RNF175: variants seen among roughly 807,000 people sequenced by gnomAD.
RNF175 encodes ring finger protein 175.
Under a neutral mutation model 50.0 loss-of-function variants are expected in RNF175, and 38 were observed. The ratio of observed to expected loss-of-function variants is 0.76; its 90% CI spans 0.59 to 1.00. The LOEUF (loss-of-function observed/expected upper bound fraction) is 1.00, where lower values mean the gene tolerates loss of function less well. Ranked by LOEUF, RNF175 falls within the 50% of genes least tolerant of loss-of-function variation. The pLI is 0.00. For synonymous variants in RNF175, 155 were observed against 146.1 expected, an observed-to-expected ratio of 1.06 and a Z score of -0.44; for missense variants, 388 against 409.6, an observed-to-expected ratio of 0.95 and a Z score of 0.46.
At chr4:153,724,124 G>T (rs571617367) in intron 4 of RNF175, among the ~76,000 whole-genome samples, 1 of 152,216 alleles carries the variant, frequency 6.6e-6, no homozygotes, top group Non-Finnish European at 1.5e-5. Flanking sequence ...TTCCCAAAGG[G>T]TCTAAGTGGA....
chr4:153,748,857 CAAAAA>C (rs1382478208), intron 2 of RNF175, 71 bp from the exon 3 acceptor site: 2 of 1,424,952 alleles, frequency 1.4e-6, no homozygotes, highest in Non-Finnish European at 9.4e-7. Flanking sequence ...AAACAAAAAA[CAAAAA>C]ACAAAAAAAC....
intron 4 of RNF175, among the ~76,000 whole-genome samples, chr4:153,725,893 G>A (rs897551326): frequency 2.6e-5 from 4 of 152,180 alleles, no homozygotes; most frequent in Admixed American, 6.5e-5. Flanking sequence ...TGCTTATTGC[G>A]GGTACCTATT....
chr4:153,742,559 C>T (rs1454396636), intron 3 of RNF175, among the ~76,000 whole-genome samples: 2 of 152,110 alleles, frequency 1.3e-5, no homozygotes, highest in African/African-American at 2.4e-5. Flanking sequence ...TATGGATCAG[C>T]CACTGTACTA....
chr4:153,723,501 C>T, intron 4 of RNF175, 43 bp from the exon 5 acceptor site: 2 of 835,646 alleles, frequency 2.4e-6, no homozygotes, highest in East Asian at 2.5e-5. Context: ...CACAGAAACA[C>T]AGAAAAATGG....
chr4:153,752,484 G>A (rs1274635825), intron 1 of RNF175, among the ~76,000 whole-genome samples: 2 of 152,188 alleles, frequency 1.3e-5, no homozygotes, highest in Non-Finnish European at 2.9e-5. Flanking sequence ...ACCCAGAAAG[G>A]TCCTGGCATT....
chr4:153,758,824 A>G (rs772155817), intron 1 of RNF175, among the ~76,000 whole-genome samples: 1 of 151,734 alleles, frequency 6.6e-6, no homozygotes, highest in Non-Finnish European at 1.5e-5. Context: ...CCCTCCATCT[A>G]GAATTCTCTG....
chr4:153,728,301 A>G lies in RNF175; in HGVS notation c.307T>C (p.Trp103Arg). The G allele has an allele frequency of 1.2e-6, 2 of 1,613,636 alleles. No individual in the cohort carries two copies. The highest frequency in any genetic ancestry group is 1.7e-6 in the Non-Finnish European group (2 of 1,179,518). ...PLYFTIKLYW[W>R]RFLSMWGMFS... ...ATCCCCCACATAGACAGAAACCGCC[A>G]CCAGTATAATTTTATCGTGAAATAT... The change falls in exon 4 of 9, where the codon TGG becomes CGG. Residue 103 changes from tryptophan to arginine, a missense_variant. Transcript: ENST00000347063.
chr4:153,758,829 T>A (rs4696492), intron 1 of RNF175, among the ~76,000 whole-genome samples: 113,716 of 151,796 alleles, frequency 0.75, 43,014 homozygotes, highest in South Asian at 0.79. Flanking sequence ...CATCTAGAAT[T>A]CTCTGGCCCA....
At chr4:153,727,065 C>A (rs1185779393) in intron 4 of RNF175, among the ~76,000 whole-genome samples, 1 of 152,150 alleles carries the variant, frequency 6.6e-6, no homozygotes, top group African/African-American at 2.4e-5. Context: ...GATAGGCGAA[C>A]CATTCTCATG....
intron 3 of RNF175, among the ~76,000 whole-genome samples, chr4:153,740,742 G>T (rs1267734930): frequency 6.6e-6 from 1 of 151,958 alleles, no homozygotes; most frequent in Non-Finnish European, 1.5e-5. Flanking sequence ...CTGGTTCTTT[G>T]TCTCTTCAGA....
At chr4:153,733,614 G>A (rs1284218446) in intron 3 of RNF175, among the ~76,000 whole-genome samples, 6 of 152,084 alleles carry the variant, frequency 3.9e-5, no homozygotes, top group Non-Finnish European at 5.9e-5. Context: ...AAGAGGGGGC[G>A]ATACTTTTCC....
chr4:153,749,544 A>G (rs914481158), intron 2 of RNF175, among the ~76,000 whole-genome samples: 5 of 152,220 alleles, frequency 3.3e-5, no homozygotes, highest in Admixed American at 6.5e-5. Context: ...AGACATGCAC[A>G]GACATTCCCA....
At chr4:153,726,545 G>A (rs1738711789) in intron 4 of RNF175, among the ~76,000 whole-genome samples, 1 of 152,230 alleles carries the variant, frequency 6.6e-6, no homozygotes, top group Non-Finnish European at 1.5e-5. Flanking sequence ...GCTTTGAACT[G>A]CTGGTGCTGG....
intron 3 of RNF175, among the ~76,000 whole-genome samples, chr4:153,746,671 T>C (rs545471047): frequency 1.3e-4 from 20 of 152,360 alleles, no homozygotes; most frequent in Admixed American, 3.3e-4. Flanking sequence ...GTTCTGGGAC[T>C]TGGGGGCATC....
intron 3 of RNF175, among the ~76,000 whole-genome samples, chr4:153,744,988 T>C (rs1739893369): frequency 6.6e-6 from 1 of 152,226 alleles, no homozygotes; most frequent in African/African-American, 2.4e-5. Flanking sequence ...CCCTGTACTA[T>C]ATAGGAAATA....
chr4:153,756,036 A>T (rs946826596), intron 1 of RNF175, among the ~76,000 whole-genome samples: 1 of 152,238 alleles, frequency 6.6e-6, no homozygotes, highest in Non-Finnish European at 1.5e-5. Flanking sequence ...CTCCCAAGAC[A>T]TTAACAGGAA....
intron 3 of RNF175, among the ~76,000 whole-genome samples, chr4:153,730,936 T>C (rs1273168913): frequency 6.6e-6 from 1 of 152,200 alleles, no homozygotes; most frequent in African/African-American, 2.4e-5. Flanking sequence ...CTAGATTTAA[T>C]TAATAGTGAG....
Position 153,718,979 on chromosome 4 carries a change from T to G in RNF175, c.630+1205A>C, listed in dbSNP as rs1738156092. ...TTTTTTAAAAAAATTAAATTTAATT[T>G]AAAATTCCAGGATACACATGCAGGT... On this transcript the variant is annotated intron_variant, in intron 6 of 8. Coordinates refer to ENST00000347063, the MANE Select transcript of RNF175 (RefSeq NM_173662.4). Among the ~76,000 whole-genome samples the G allele has an allele frequency of 2.0e-5, 3 of 152,276 alleles. No homozygotes were observed. The South Asian group carries it at 6.2e-4, about 32-fold the overall frequency.
chr4:153,733,810 CCACAAATACAATATTA>C (rs2127133382), intron 3 of RNF175, among the ~76,000 whole-genome samples: 1 of 145,402 alleles, frequency 6.9e-6, no homozygotes, highest in African/African-American at 2.4e-5. Flanking sequence ...TATATTGTAC[CCACAAATACAATATTA>C]CACAAATTAA....
Sources: gnomAD v4.1 joint callset for allele counts (sites outside exome capture counted in the v4.1 genomes callset) on GRCh38, gnomAD v4.1.1 for gene constraint, MANE v1.5 for transcripts, NCBI Gene and HGNC (gene_info 2026-07-23, HGNC 2026-07-21) for gene names.